The following ALAS2 variants were observed in gnomAD, a reference collection of about 807,000 sequenced individuals.
ALAS2 encodes 5-aminolevulinate synthase, erythroid-specific, mitochondrial.
ALAS2 carries 3 observed loss-of-function variants against 33.7 expected under a neutral mutation model. That is an observed-to-expected ratio of 0.09 (90% CI 0.04 to 0.23). ALAS2 has a LOEUF of 0.23. Ranked by LOEUF, ALAS2 falls within the 10% of genes least tolerant of loss-of-function variation. ALAS2 has a pLI of 1.00. For missense variants in ALAS2, 304 were observed against 475.1 expected (o/e 0.64, Z 3.35); for synonymous variants, 191 against 177.3 (o/e 1.08, Z -0.61).
intron 10 of ALAS2, among the ~76,000 whole-genome samples, chrX:55,010,264 C>A (rs967020206): frequency 8.9e-6 from 1 of 111,965 alleles, no homozygotes; most frequent in African/African-American, 3.2e-5. Flanking sequence ...ATTACTGTAG[C>A]CCACTCTTGG....
At chrX:55,021,370 C>A in intron 4 of ALAS2, 96 bp from the exon 5 acceptor site, 4 of 697,901 alleles carry the variant, frequency 5.7e-6, no homozygotes, top group Non-Finnish European at 4.6e-6. Flanking sequence ...AGTTCTCCAA[C>A]TCTTTTTCCA....
rs1374135795 is a variant in ALAS2, at chrX:55,013,532, C to T, written c.1554G>A (p.Leu518=). The part of the protein sequence containing the change: ...TVPRGEELLR[L]APSPHHSPQM... ...GAGGGCTGTGGTGGGGGGAGGGTGCCAAGCGCAGGAGCTCTTCACCCCGGG... is the reference window on the plus strand; with the variant it reads ...GAGGGCTGTGGTGGGGGGAGGGTGCTAAGCGCAGGAGCTCTTCACCCCGGG... The change falls in exon 10 of 11, where the codon TTG becomes TTA. Residue 518 remains leucine (L), a synonymous_variant. Coordinates refer to ENST00000650242, the MANE Select transcript of ALAS2 (RefSeq NM_000032.5). 8.3e-7 allele frequency: 1 copy of T among 1,209,354 alleles called. No homozygotes were observed. The highest frequency in any genetic ancestry group is 1.8e-5 in the African/African-American group (1 of 56,955).
Position 55,030,670 on chromosome X carries a change from A to G in ALAS2, c.-16+272T>C, listed in dbSNP as rs773848519. ...TAGAATTCAGAGGGAAAAATAAGAG[A>G]AAGCAAGAGTGTCAGAGAATGATGA... is the stretch of plus-strand genomic sequence containing the variant. On this transcript the variant is annotated intron_variant, in intron 1 of 10. Transcript: ENST00000650242. Among the ~76,000 whole-genome samples the G allele has an allele frequency of 5.4e-5, 6 of 111,848 alleles. No homozygotes were observed. The South Asian group carries it at 2.3e-3, about 42-fold the overall frequency.
chrX:55,020,206 A>G, intron 6 of ALAS2, 114 bp downstream of exon 6: 1 of 747,841 alleles, frequency 1.3e-6, no homozygotes, highest in East Asian at 3.5e-5. Context: ...ATAAGAAGGA[A>G]GAACAATGGG....
chrX:55,014,613 C>A, intron 9 of ALAS2, 134 bp downstream of exon 9: 1 of 859,458 alleles, frequency 1.2e-6, no homozygotes, highest in Admixed American at 4.3e-5. Flanking sequence ...AAAAGGGAAA[C>A]AAAGCTGGCA....
chrX:55,017,393 G>C, intron 7 of ALAS2, 93 bp downstream of exon 7: 1 of 820,061 alleles, frequency 1.2e-6, no homozygotes, highest in Non-Finnish European at 1.8e-6. Flanking sequence ...ATAAATATTA[G>C]CTGTTATAAT....
chrX:55,023,191 G>GGT (rs747543670), intron 4 of ALAS2, among the ~76,000 whole-genome samples: 4,386 of 98,593 alleles, frequency 0.044, 120 homozygotes, highest in African/African-American at 0.1. Context: ...GAGAGCAGAG[G>GGT]GTGTGTGTGT....
rs1427846930 is a variant in ALAS2 at position 55,024,933 on chromosome X, C to T, written c.182-93G>A. 5.6e-6 allele frequency: 6 copies of T among 1,075,961 alleles called. No homozygotes were observed. The African/African-American group carries it at 1.1e-4, about 20-fold the overall frequency. The allele number at this position is 1,075,961 out of a possible 1,213,427, so 88.7% of individuals were successfully genotyped here. Reference sequence around the variant, plus strand: ...TGAGATCTAATGTACCCCTAAAGCCCTATCTCAGGCTATTGTAGAGACACA... The same window carrying T: ...TGAGATCTAATGTACCCCTAAAGCCTTATCTCAGGCTATTGTAGAGACACA... On this transcript the variant is annotated intron_variant, in intron 2 of 10. Transcript: ENST00000650242.
chrX:55,024,801 A>G lies in ALAS2; in HGVS notation c.221T>C (p.Leu74Pro). ...SWAKGHCPFMLSELQDGKSKI... is the reference protein window; with the variant it reads ...SWAKGHCPFMPSELQDGKSKI... ...GCTCTTCCCATCCTGGAGTTCCGAC[A>G]GCATGAAGGGACAGTGGCCCTTCGC... is the stretch of plus-strand genomic sequence containing the variant. The change falls in exon 3 of 11, where the codon CTG becomes CCG. Residue 74 changes from leucine to proline, a missense_variant. Physicochemically the swap from Leu to Pro is moderately conservative, Grantham distance 98. Coordinates refer to ENST00000650242, the MANE Select transcript of ALAS2 (RefSeq NM_000032.5). The G allele has an allele frequency of 8.3e-7, 1 of 1,211,860 alleles. No homozygotes were observed. Among genetic ancestry groups the G allele is most frequent in the Non-Finnish European group, 1.1e-6 (1 of 895,279 alleles).
chrX:55,022,588 G>C (rs1569547872), intron 4 of ALAS2, among the ~76,000 whole-genome samples: 1 of 111,936 alleles, frequency 8.9e-6, no homozygotes, highest in Non-Finnish European at 1.9e-5. Flanking sequence ...GTACAGCCAT[G>C]TTGGAGGGCT....
intron 6 of ALAS2, 90 bp from the exon 7 acceptor site, chrX:55,017,755 C>G (rs41308048): frequency 0.019 from 17,350 of 937,474 alleles, 157 homozygotes; most frequent in Non-Finnish European, 0.023. Context: ...AAGGGCCAAC[C>G]CTTTCTTCCC....
intron 1 of ALAS2, among the ~76,000 whole-genome samples, chrX:55,027,534 A>C: frequency 9.0e-6 from 1 of 111,545 alleles, no homozygotes; most frequent in Non-Finnish European, 1.9e-5. Flanking sequence ...AGAGTCAAAA[A>C]GTGAGACAAG....
chrX:55,023,741 A>T lies in ALAS2; in HGVS notation c.415+16T>A, dbSNP rs773526759. On this transcript the variant is annotated intron_variant, in intron 4 of 10. Transcript: ENST00000650242. The stretch of plus-strand genomic sequence containing the variant: ...CCCTATTCCGGTCCCCTTTTTTTCC[A>T]CCTCAGCAAACTCACCAGGCATATT... The T allele has an allele frequency of 1.0e-5, 12 of 1,185,379 alleles. No homozygotes were observed. The highest frequency in any genetic ancestry group is 2.2e-5 in the Admixed American group (1 of 45,313).
In ALAS2 at chrX:55,020,558, G is replaced by A. The variant is rs778126240; in HGVS notation, c.639-54C>T. ...GAAAAAGAAACTCTTGTCAGGCATC[G>A]AGGAACTGGGTAGGTTTCTCTTCCT... is the stretch of plus-strand genomic sequence containing the variant. On this transcript the variant is annotated intron_variant, in intron 5 of 10. Transcript: ENST00000650242. The A allele has an allele frequency of 3.3e-4, 358 of 1,090,402 alleles. 1 individual carries two copies. The highest frequency in any genetic ancestry group is 4.2e-4 in the Admixed American group (16 of 38,276). The allele number at this position is 1,090,402 out of a possible 1,213,427, so 89.9% of individuals were successfully genotyped here.
Position 55,014,811 on chromosome X carries a change from C to T in ALAS2, c.1373G>A (p.Arg458His), listed in dbSNP as rs1935671478. Residue 458 changes from arginine (R) to histidine (H), a missense_variant, in exon 9 of 11, where the codon CGC becomes CAC. Coordinates refer to ENST00000650242, the MANE Select transcript of ALAS2 (RefSeq NM_000032.5). Reference protein sequence around the residue: ...RAHQRNVKHMRQLLMDRGLPV... With the variant: ...RAHQRNVKHMHQLLMDRGLPV... ...AAGGCCCCTGTCCATGAGTAGCTGG[C>T]GCATGTGCTTGACATTGCGCTGGTG... The T allele has an allele frequency of 1.7e-6, 2 of 1,199,838 alleles. No homozygotes were observed. The highest frequency in any genetic ancestry group is 2.2e-5 in the Admixed American group (1 of 45,075).
intron 4 of ALAS2, 30 bp from the exon 5 acceptor site, chrX:55,021,304 A>C: frequency 8.7e-7 from 1 of 1,143,607 alleles, no homozygotes; most frequent in Non-Finnish European, 1.2e-6. Context: ...GATGAAAAGA[A>C]TTCGTTTTAA....
Position 55,020,317 on chromosome X carries a change from T to C in ALAS2, c.823+3A>G, listed in dbSNP as rs746373848. 17 of 1,206,410 alleles carry C rather than the reference T, an allele frequency of 1.4e-5. No individual in the cohort carries two copies. The highest frequency in any genetic ancestry group is 2.3e-4 in the Middle Eastern group (1 of 4,319). ...CTGAACAAAGCTCAGGCCTCAGGCTTACCTGGCAGGATCTTGGCCAAGGTG... is the reference window on the plus strand; with the variant it reads ...CTGAACAAAGCTCAGGCCTCAGGCTCACCTGGCAGGATCTTGGCCAAGGTG... On this transcript the variant is annotated splice_donor_region_variant and intron_variant, in intron 6 of 10. Coordinates refer to ENST00000650242, the MANE Select transcript of ALAS2 (RefSeq NM_000032.5).
In ALAS2 at chrX:55,017,611, C is replaced by T. The variant is rs376961603; in HGVS notation, c.878G>A (p.Arg293His). Residue 293 changes from arginine to histidine, a missense_variant, in exon 7 of 11, where the codon CGT (arginine) becomes CAT (histidine). Coordinates refer to ENST00000650242, the MANE Select transcript of ALAS2 (RefSeq NM_000032.5). ...GACAAACTTGGCTGCTCCACTGTTA[C>T]GGATACCTTGGATCATGGAAGCATG... ...GNHASMIQGIRNSGAAKFVFR... is the reference protein window; with the variant it reads ...GNHASMIQGIHNSGAAKFVFR... 20 of 1,209,788 alleles carry T rather than the reference C, an allele frequency of 1.7e-5. No homozygotes were observed. The highest frequency in any genetic ancestry group is 7.0e-5 in the South Asian group (4 of 56,776).
rs141305388 is a variant in ALAS2, at chrX:55,014,748, C to T, written c.1436G>A (p.Arg479Gln). 8.3e-4 allele frequency: 975 copies of T among 1,175,239 alleles called. 2 individuals carry two copies. The highest frequency in any genetic ancestry group is 1.0e-3 in the Non-Finnish European group (886 of 874,442). ...IPCPSHIIPI[R>Q]VGNAALNSKL... ...CAATGGGCATGGTGGGGCTCTCACC[C>T]GGATGGGGATGATGTGGCTGGGGCA... is the stretch of plus-strand genomic sequence containing the variant. Residue 479 changes from arginine to glutamine, a missense_variant and splice_region_variant, in exon 9 of 11, where the codon CGG (arginine) becomes CAG (glutamine). Transcript: ENST00000650242.
Sources: gnomAD v4.1 joint callset for allele counts (sites outside exome capture counted in the v4.1 genomes callset) on GRCh38, gnomAD v4.1.1 for gene constraint, MANE v1.5 for transcripts, NCBI Gene and HGNC (gene_info 2026-07-23, HGNC 2026-07-21) for gene names.